Variants in GRIN2D observed in about 807,000 individuals in gnomAD.
GRIN2D encodes glutamate receptor ionotropic, NMDA 2D.
GRIN2D carries 37 observed loss-of-function variants against 103.2 expected under a neutral mutation model. That is an observed-to-expected ratio of 0.36 (90% confidence interval 0.28 to 0.47). The LOEUF (loss-of-function observed/expected upper bound fraction) is 0.47. Ranked by LOEUF, GRIN2D falls within the 20% of genes least tolerant of loss-of-function variation. GRIN2D has a pLI of 1.00. For synonymous variants in GRIN2D, 845 were observed against 885.6 expected (o/e 0.95, Z 0.81); for missense variants, 1,557 against 1,910.6 (o/e 0.81, Z 3.45).
intron 2 of GRIN2D, among the ~76,000 whole-genome samples, chr19:48,395,177 C>T (rs1343623705): frequency 6.6e-6 from 1 of 151,890 alleles, no homozygotes; most frequent in Admixed American, 6.6e-5. Context: ...ATTTCTCTGA[C>T]ACTTGGCTCC....
At chr19:48,404,159 G>A (rs1024185433) in intron 3 of GRIN2D, among the ~76,000 whole-genome samples, 2 of 151,458 alleles carry the variant, frequency 1.3e-5, no homozygotes, top group African/African-American at 4.9e-5. Flanking sequence ...AGAACTGCTT[G>A]AACCCGGGAG....
intron 8 of GRIN2D, among the ~76,000 whole-genome samples, chr19:48,418,888 G>A (rs1347974968): frequency 6.6e-6 from 1 of 152,050 alleles, no homozygotes; most frequent in Admixed American, 6.6e-5. Context: ...GCCTGCGACG[G>A]CTCTCTTTGA....
Position 48,419,326 on chromosome 19 carries a change from G to C in GRIN2D, c.1828G>C (p.Val610Leu). ...TVFIFEYLSPVGYNRSLATGK... is the reference protein window; with the variant it reads ...TVFIFEYLSPLGYNRSLATGK... ...TTTCATCTTCGAGTACCTCAGTCCT[G>C]TTGGTTACAACCGCAGCCTGGCCAC... is the stretch of plus-strand genomic sequence containing the variant. The change falls in exon 9 of 14, where the codon GTT becomes CTT. Residue 610 changes from valine (V) to leucine (L), a missense_variant. Around this residue, in one of 7 missense-constraint regions of GRIN2D, gnomAD observed 197 missense variants for 334.1 expected, o/e 0.59. Coordinates refer to ENST00000263269, the MANE Select transcript of GRIN2D (RefSeq NM_000836.4). 6.2e-7 allele frequency: 1 copy of C among 1,608,182 alleles called. No individual in the cohort carries two copies. The highest frequency in any genetic ancestry group is 1.1e-5 in the South Asian group (1 of 91,038).
At chr19:48,398,315 C>T in intron 2 of GRIN2D, 52 bp from the exon 3 acceptor site, 1 of 722,550 alleles carries the variant, frequency 1.4e-6, no homozygotes. Context: ...GTCCCTGCGT[C>T]TCCCGTCTGT....
At position 48,404,977 on chromosome 19, in the gene GRIN2D, C is replaced by T; in HGVS notation, c.709C>T (p.Arg237Cys). The change falls in exon 4 of 14, where the codon CGC (arginine) becomes TGC (cysteine). Residue 237 changes from arginine (R) to cysteine (C), a missense_variant. Transcript: ENST00000263269. Reference protein sequence around the residue: ...AGEAVLSAQLRSVSAQIRLLF... With the variant: ...AGEAVLSAQLCSVSAQIRLLF... ...CGAGGCCGTGCTCAGTGCCCAGCTC[C>T]GCAGTGTCAGCGCGCAGATCCGCCT... 6.2e-7 allele frequency: 1 copy of T among 1,612,378 alleles called. No individual in the cohort carries two copies. Among genetic ancestry groups the T allele is most frequent in the Non-Finnish European group, 8.5e-7 (1 of 1,179,610 alleles).
At chr19:48,424,628 G>A (rs772826980) in intron 11 of GRIN2D, among the ~76,000 whole-genome samples, 19 of 152,020 alleles carry the variant, frequency 1.2e-4, no homozygotes, top group Non-Finnish European at 1.6e-4. Context: ...ATTTTGACAC[G>A]TAATCAGTAT....
chr19:48,394,181 C>CTGTG lies in GRIN2D; in HGVS notation c.-306+323_-306+326dup, dbSNP rs138288378. ...CCTGGCCCCCATTAGACCCCCCACT[C>CTGTG]TGTGTGTGTGTGTCTGTGTGTGTGT... On this transcript the variant is annotated intron_variant, in intron 1 of 13. Transcript: ENST00000263269. This position sits in a 1 kb window ranked among gnomAD's most constrained non-coding sequence, Gnocchi z 5.1. Among the ~76,000 whole-genome samples the CTGTG allele has an allele frequency of 6.6e-6, 1 of 151,556 alleles. No individual in the cohort carries two copies. The highest frequency in any genetic ancestry group is 1.5e-5 in the Non-Finnish European group (1 of 67,806).
intron 10 of GRIN2D, among the ~76,000 whole-genome samples, chr19:48,420,541 C>G (rs1971009475): frequency 1.3e-5 from 2 of 150,930 alleles, no homozygotes; most frequent in Admixed American, 1.3e-4. Context: ...AAAAGTCAAA[C>G]CTGGCCAGGA....
intron 4 of GRIN2D, among the ~76,000 whole-genome samples, chr19:48,410,295 C>G (rs1970841373): frequency 2.0e-5 from 3 of 150,042 alleles, no homozygotes; most frequent in South Asian, 2.1e-4. Context: ...TTTGGGAGGC[C>G]GAGGCGGGCG....
chr19:48,438,287 C>CTTTTT lies in GRIN2D; in HGVS notation c.2253-3457_2253-3453dup, dbSNP rs71181697. On this transcript the variant is annotated intron_variant, in intron 11 of 13. Coordinates refer to ENST00000263269, the MANE Select transcript of GRIN2D (RefSeq NM_000836.4). ...TCTCTTCAACTCAGCATCCAGCCGC[C>CTTTTT]TTTTTTTTTTTTTTTTTTTTTTTTT... Among the ~76,000 whole-genome samples the CTTTTT allele has an allele frequency of 3.6e-4, 21 of 57,754 alleles. 3 individuals are homozygous for CTTTTT. The highest frequency in any genetic ancestry group is 5.6e-4 in the Admixed American group (2 of 3,544). The allele number at this position is 57,754 out of a possible 152,430, so 37.9% of individuals were successfully genotyped here.
At position 48,394,045 on chromosome 19, in the gene GRIN2D, T is replaced by C. The variant is rs1970599409; in HGVS notation, c.-306+177T>C. Among the ~76,000 whole-genome samples, 1 of 151,896 alleles carries C rather than the reference T, an allele frequency of 6.6e-6. No individual in the cohort carries two copies. The highest frequency in any genetic ancestry group is 2.1e-4 in the South Asian group (1 of 4,808). ...CCCGGCCCCCCCAAACCCAGATGGA[T>C]GGTGTGTACCTGGGTTCTGTGCCTC... On this transcript the variant is annotated intron_variant, in intron 1 of 13. Transcript: ENST00000263269. The surrounding 1 kb of genome is among the most constrained non-coding windows in gnomAD (Gnocchi z 5.1).
chr19:48,399,535 T>C (rs981791199), intron 3 of GRIN2D, among the ~76,000 whole-genome samples: 3 of 152,070 alleles, frequency 2.0e-5, no homozygotes, highest in Non-Finnish European at 4.4e-5. Flanking sequence ...GCCACTGCAC[T>C]CCAGCCTGGG....
At chr19:48,419,964 T>G in intron 10 of GRIN2D, 150 bp downstream of exon 10, 2 of 587,046 alleles carry the variant, frequency 3.4e-6, no homozygotes, top group East Asian at 2.8e-5. Context: ...CAAGGAGAAT[T>G]CCAGAATGGT....
Position 48,398,405 on chromosome 19 carries a change from G to A in GRIN2D, c.13G>A (p.Gly5Ser). MRGA[G>S]GPRGPRGPAK... Reference sequence around the variant, plus strand: ...GGGCCCGCAGGCGATGCGCGGCGCCGGTGGCCCCCGCGGCCCTCGGGGCCC... The same window carrying A: ...GGGCCCGCAGGCGATGCGCGGCGCCAGTGGCCCCCGCGGCCCTCGGGGCCC... The change falls in exon 3 of 14, where the codon GGT becomes AGT. Residue 5 changes from glycine to serine, a missense_variant. Physicochemically the swap from Gly to Ser is moderately conservative, Grantham distance 56 (BLOSUM62 0). This residue lies in a region of GRIN2D where 490 missense variants were observed against 601.1 expected (regional missense o/e 0.82). Coordinates refer to ENST00000263269, the MANE Select transcript of GRIN2D (RefSeq NM_000836.4). The A allele has an allele frequency of 1.8e-6, 2 of 1,119,686 alleles. No individual in the cohort carries two copies. Among genetic ancestry groups the A allele is most frequent in the African/African-American group, 1.7e-5 (1 of 60,346 alleles). 69.4% of individuals were successfully genotyped at this position (1,119,686 alleles called of 1,614,324 possible).
intron 7 of GRIN2D, 33 bp from the exon 8 acceptor site, chr19:48,415,969 T>TC: frequency 6.3e-7 from 1 of 1,594,794 alleles, no homozygotes. Context: ...TGAGCCGGGT[T>TC]CCCCCGCCCA....
Position 48,405,375 on chromosome 19 carries a change from G to A in GRIN2D, c.1085+22G>A, listed in dbSNP as rs1600972454. 3.0e-6 allele frequency: 3 copies of A among 984,546 alleles called. No individual in the cohort carries two copies. The highest frequency in any genetic ancestry group is 3.8e-6 in the Non-Finnish European group (3 of 779,620). The allele number at this position is 984,546 out of a possible 1,614,324, so 61.0% of individuals were successfully genotyped here. A position where few individuals can be genotyped will look rare whatever the true frequency, so the allele number is the denominator to read the frequency against. ...ATAGGTGAGTGGGGCTGGAATGGGA[G>A]GGGTGTGGGAGGGCTCCCAGAGCCT... On this transcript the variant is annotated intron_variant, in intron 4 of 13. Coordinates refer to ENST00000263269, the MANE Select transcript of GRIN2D (RefSeq NM_000836.4). This position sits in a 1 kb window ranked among gnomAD's most constrained non-coding sequence, Gnocchi z 5.1.
chr19:48,407,788 TCTG>T (rs1970809257), intron 4 of GRIN2D, among the ~76,000 whole-genome samples: 1 of 152,144 alleles, frequency 6.6e-6, no homozygotes, highest in South Asian at 2.1e-4. Flanking sequence ...GGCAATAACT[TCTG>T]CTATGAAAAT....
chr19:48,414,975 C>T lies in GRIN2D; in HGVS notation c.1524C>T (p.Val508=). Residue 508 remains valine, a synonymous_variant, in exon 7 of 14, where the codon GTC becomes GTT. Transcript: ENST00000263269. This position sits in a 1 kb window ranked among gnomAD's most constrained non-coding sequence, Gnocchi z 4.6. ...TIGFSYDLYL[V]TNGKHGKKID... ...GCTTCAGCTACGACCTCTACCTGGT[C>T]ACCAATGGCAAGCACGGAAAGAAGA... The T allele has an allele frequency of 6.2e-7, 1 of 1,611,928 alleles. No homozygotes were observed. Among genetic ancestry groups the T allele is most frequent in the Non-Finnish European group, 8.5e-7 (1 of 1,178,628 alleles).
At chr19:48,396,361 T>C (rs1480065433) in intron 2 of GRIN2D, among the ~76,000 whole-genome samples, 4 of 149,098 alleles carry the variant, frequency 2.7e-5, no homozygotes, top group African/African-American at 9.9e-5. Context: ...GTGAGAAGGG[T>C]GGGGCCGGGG....
Sources: gnomAD v4.1 joint callset for allele counts (sites outside exome capture counted in the v4.1 genomes callset) on GRCh38, gnomAD v4.1.1 for gene constraint, gnomAD v4.1.1 regional missense constraint, Gnocchi (gnomAD v3.1) non-coding constraint, MANE v1.5 for transcripts, NCBI Gene and HGNC (gene_info 2026-07-23, HGNC 2026-07-21) for gene names.